Variants in AHNAK observed in about 807,000 individuals in gnomAD.
AHNAK encodes neuroblast differentiation-associated protein AHNAK.
In AHNAK, 23 loss-of-function variants were observed where a neutral mutation model predicts 37.8. That is an observed-to-expected ratio of 0.61 (90% CI 0.44 to 0.86). The LOEUF is 0.86. AHNAK is among the 40% of genes least tolerant of loss of function. The pLI, the probability that AHNAK is intolerant of heterozygous loss-of-function variation, is 0.00. For synonymous variants in AHNAK, 2,481 were observed against 2,636.3 expected, an observed-to-expected ratio of 0.94 and a Z score of 1.80; for missense variants, 7,411 against 7,319.4, an observed-to-expected ratio of 1.01 and a Z score of -0.46.
chr11:62,508,199 T>C (rs1420673617), intron 4 of AHNAK, among the ~76,000 whole-genome samples: 2 of 152,138 alleles, frequency 1.3e-5, no homozygotes, highest in Admixed American at 6.5e-5. Flanking sequence ...TTTCCTAAAA[T>C]TCCCCCAGAA....
At chr11:62,448,158 G>T (rs574583335) in intron 5 of AHNAK, among the ~76,000 whole-genome samples, 3 of 152,284 alleles carry the variant, frequency 2.0e-5, no homozygotes, top group Middle Eastern at 6.8e-3. Flanking sequence ...GGAAGCCAGT[G>T]AGGCTAGAGG....
rs149446851 is a variant in AHNAK at position 62,533,421 on chromosome 11, A to G, written c.996T>C (p.Ser332=). The change falls in exon 5 of 5, where the codon TCT becomes TCC. Residue 332 remains serine (S), a synonymous_variant. Coordinates refer to ENST00000378024, the MANE Select transcript of AHNAK (RefSeq NM_001620.3). Reference sequence around the variant, plus strand: ...TGTGCCCCACAGAGACTTCAGGTGCAGAAACCCTCAGCCCTGCCTTTGGTG... The same window carrying G: ...TGTGCCCCACAGAGACTTCAGGTGCGGAAACCCTCAGCCCTGCCTTTGGTG... ...GQTPKAGLRV[S]APEVSVGHKG... 222 of 1,611,108 alleles carry G rather than the reference A, an allele frequency of 1.4e-4. 2 individuals carry two copies. The East Asian group carries it at 4.9e-3, about 36-fold the overall frequency.
At chr11:62,498,974 T>C (rs1371364542) in intron 4 of AHNAK, among the ~76,000 whole-genome samples, 1 of 152,140 alleles carries the variant, frequency 6.6e-6, no homozygotes, top group Non-Finnish European at 1.5e-5. Flanking sequence ...TGTTCTAGAC[T>C]CTGGGGATAT....
intron 5 of AHNAK, among the ~76,000 whole-genome samples, chr11:62,486,350 G>T (rs904048489): frequency 6.6e-6 from 1 of 152,208 alleles, no homozygotes. Flanking sequence ...GCACATGCCT[G>T]TAATCCCAGC....
At chr11:62,454,627 A>T (rs1406492741) in intron 5 of AHNAK, among the ~76,000 whole-genome samples, 1 of 152,230 alleles carries the variant, frequency 6.6e-6, no homozygotes, top group Non-Finnish European at 1.5e-5. Flanking sequence ...AGCCAAAATT[A>T]TGGGGTAAGG....
At chr11:62,452,215 G>T (rs1241494649) in intron 5 of AHNAK, among the ~76,000 whole-genome samples, 1 of 152,154 alleles carries the variant, frequency 6.6e-6, no homozygotes, top group African/African-American at 2.4e-5. Flanking sequence ...TTTATGTCAG[G>T]CAGTTTACAT....
rs564628076 is a variant in AHNAK, at chr11:62,487,879, C to T, written c.442+3853G>A. Among the ~76,000 whole-genome samples, 7 of 152,226 alleles carry T rather than the reference C, an allele frequency of 4.6e-5. No homozygotes were observed. The South Asian group carries it at 1.5e-3, about 32-fold the overall frequency. On this transcript the variant is annotated intron_variant, in intron 5 of 5. Coordinates refer to the AHNAK transcript ENST00000257247. ...ACAGGAAAGGCTTGTTTCTCACATG[C>T]CCGTGAAGTGATGTTTACACAAGAC... is the stretch of plus-strand genomic sequence containing the variant.
chr11:62,530,963 T>C lies in AHNAK; in HGVS notation c.3454A>G (p.Lys1152Glu), dbSNP rs548986793. The C allele has an allele frequency of 6.2e-7, 1 of 1,613,962 alleles. No individual in the cohort carries two copies. Among genetic ancestry groups the C allele is most frequent in the East Asian group, 2.2e-5 (1 of 44,856 alleles). Residue 1152 changes from lysine (K) to glutamate (E), a missense_variant, in exon 5 of 5, where the codon AAG becomes GAG. Physicochemically the swap from Lys to Glu is moderately conservative, Grantham distance 56. Transcript: ENST00000378024. ...GGTCCTGAGACAACAACGTCAGCCTTAGGCAAGTTCACATCCACTTCTGGG... is the reference window on the plus strand; with the variant it reads ...GGTCCTGAGACAACAACGTCAGCCTCAGGCAAGTTCACATCCACTTCTGGG... ...EGPEVDVNLP[K>E]ADVVVSGPKV...
In AHNAK at chr11:62,533,975, T is replaced by C. The variant is rs1483989841; in HGVS notation, c.442A>G (p.Ser148Gly). ...GVEGDLGETQ[S>G]RTITVTRRVT... ...CTTCTGGTCACTGTGATGGTACGGC[T>C]CTGGGTCTCCCCGAGGTCTCCTTCC... The change falls in exon 5 of 5, where the codon AGC becomes GGC. Residue 148 changes from serine to glycine, a missense_variant. Physicochemically the swap from Ser to Gly is moderately conservative, Grantham distance 56 (BLOSUM62 0). Transcript: ENST00000378024. The C allele has an allele frequency of 4.3e-6, 7 of 1,611,746 alleles. No individual in the cohort carries two copies. Among genetic ancestry groups the C allele is most frequent in the Non-Finnish European group, 5.9e-6 (7 of 1,178,424 alleles).
intron 5 of AHNAK, among the ~76,000 whole-genome samples, chr11:62,469,942 T>C (rs112331965): frequency 0.041 from 6,267 of 152,130 alleles, 428 homozygotes; most frequent in African/African-American, 0.14. Context: ...AAACCAAAAA[T>C]CACATGAAAA....
At chr11:62,534,173 G>A (rs1451557606) in intron 4 of AHNAK, 99 bp from the exon 5 acceptor site, 3 of 1,319,686 alleles carry the variant, frequency 2.3e-6, no homozygotes, top group Non-Finnish European at 3.0e-6. Flanking sequence ...CTGTTTCCCA[G>A]AGAAGCTGGG....
chr11:62,506,084 C>A (rs1401468408), intron 4 of AHNAK, among the ~76,000 whole-genome samples: 5 of 149,374 alleles, frequency 3.3e-5, no homozygotes, highest in African/African-American at 1.2e-4. Context: ...TGGCGCACGC[C>A]GGTAGTTCCA....
At chr11:62,515,289 C>T (rs1402989471), downstream of AHNAK, among the ~76,000 whole-genome samples, 4 of 152,126 alleles carry the variant, frequency 2.6e-5, no homozygotes, top group Non-Finnish European at 4.4e-5. Flanking sequence ...GAGGCCAAGG[C>T]GGGTGGATCA....
Position 62,524,324 on chromosome 11 carries a change from G to T in AHNAK, c.10093C>A (p.Gln3365Lys). The change falls in exon 5 of 5, where the codon CAG becomes AAG. Residue 3365 changes from glutamine (Q) to lysine (K), a missense_variant. Gln to Lys is a moderately conservative substitution (Grantham distance 53, BLOSUM62 1). Coordinates refer to ENST00000378024, the MANE Select transcript of AHNAK (RefSeq NM_001620.3). ...CCTTTGACATCCACTTCAGGTGTCT[G>T]AACTTTAGAGCCCGAAAAATTAAAT... ...PKFNFSGSKV[Q>K]TPEVDVKGKK... The T allele has an allele frequency of 6.2e-7, 1 of 1,613,724 alleles. No homozygotes were observed. Among genetic ancestry groups the T allele is most frequent in the South Asian group, 1.1e-5 (1 of 90,926 alleles).
chr11:62,448,929 G>A (rs1218529026), intron 5 of AHNAK, among the ~76,000 whole-genome samples: 2 of 152,070 alleles, frequency 1.3e-5, no homozygotes, highest in African/African-American at 4.8e-5. Context: ...TTAGCCAGGC[G>A]TGGTGGTGGG....
At chr11:62,515,846 G>T, downstream of AHNAK, 1 of 1,087,508 alleles carries the variant, frequency 9.2e-7, no homozygotes, top group Non-Finnish European at 1.1e-6. Flanking sequence ...ACAGCTGGCT[G>T]TGCAGCTTCC....
At position 62,522,268 on chromosome 11, in the gene AHNAK, T is replaced by G. The variant is rs747567017; in HGVS notation, c.12149A>C (p.Asp4050Ala). 8.7e-6 allele frequency: 14 copies of G among 1,613,386 alleles called. No homozygotes were observed. The highest frequency in any genetic ancestry group is 1.0e-5 in the Non-Finnish European group (12 of 1,179,858). ...PKVDIDAPDV[D>A]VHGPDWHLKM... ...CAGGTGCCAGTCTGGGCCATGAACA[T>G]CCACATCTGGGGCATCAATGTCCAC... Residue 4050 changes from aspartate (D) to alanine (A), a missense_variant, in exon 5 of 5, where the codon GAT becomes GCT. Physicochemically the swap from Asp to Ala is moderately radical, Grantham distance 126. Transcript: ENST00000378024.
At chr11:62,515,792 G>A (rs1940000383), downstream of AHNAK, 4 of 787,560 alleles carry the variant, frequency 5.1e-6, no homozygotes, top group Non-Finnish European at 6.3e-6. Flanking sequence ...TAAAGTCACT[G>A]ATGAAACTAG....
At chr11:62,436,796 G>A (rs111265576) in intron 5 of AHNAK, among the ~76,000 whole-genome samples, 20,535 of 151,970 alleles carry the variant, frequency 0.14, 1,657 homozygotes, top group Middle Eastern at 0.2. Context: ...AAAATTAGCC[G>A]GGCATGGTGG....
Sources: gnomAD v4.1 joint callset for allele counts (sites outside exome capture counted in the v4.1 genomes callset) on GRCh38, gnomAD v4.1.1 for gene constraint, MANE v1.5 for transcripts, NCBI Gene and HGNC (gene_info 2026-07-23, HGNC 2026-07-21) for gene names.